Variants in PREX2 observed in about 807,000 individuals in gnomAD.
PREX2 encodes phosphatidylinositol 3,4,5-trisphosphate-dependent Rac exchanger 2 protein.
PREX2 carries 107 observed loss-of-function variants against 203.2 expected under a neutral mutation model. That is an observed-to-expected ratio of 0.53 (90% confidence interval 0.45 to 0.62). The LOEUF is 0.62. Ranked by LOEUF, PREX2 falls within the 20% of genes least tolerant of loss-of-function variation. The pLI is 0.00. For missense variants in PREX2, 1,777 were observed against 1,955.9 expected (o/e 0.91, Z 1.72); for synonymous variants, 672 against 663.6 (o/e 1.01, Z -0.19).
intron 37 of PREX2, among the ~76,000 whole-genome samples, chr8:68,204,229 C>A (rs2129614950): frequency 6.6e-6 from 1 of 152,156 alleles, no homozygotes; most frequent in South Asian, 2.1e-4. Flanking sequence ...CATTACCCAA[C>A]CCCAGAAGGT....
chr8:68,093,225 T>C (rs1245660046), intron 20 of PREX2, among the ~76,000 whole-genome samples: 1 of 151,764 alleles, frequency 6.6e-6, no homozygotes, highest in Non-Finnish European at 1.5e-5. Context: ...ACCCTGTCTT[T>C]ACTAAAAATA....
At chr8:68,183,706 G>A (rs956812218) in intron 35 of PREX2, among the ~76,000 whole-genome samples, 44 of 152,238 alleles carry the variant, frequency 2.9e-4, no homozygotes, top group African/African-American at 9.9e-4. Flanking sequence ...AACCTAGTCA[G>A]GTCACTAATG....
At chr8:67,964,796 C>CA (rs1241728875) in intron 1 of PREX2, among the ~76,000 whole-genome samples, 3 of 152,232 alleles carry the variant, frequency 2.0e-5, no homozygotes, top group African/African-American at 7.2e-5. Context: ...TTCATTAACT[C>CA]ACGACTTAGA....
intron 34 of PREX2, among the ~76,000 whole-genome samples, chr8:68,156,147 A>G (rs1811539820): frequency 6.6e-6 from 1 of 152,128 alleles, no homozygotes; most frequent in Non-Finnish European, 1.5e-5. Context: ...TGCAGCTTCA[A>G]AATCCTGGGC....
intron 10 of PREX2, among the ~76,000 whole-genome samples, chr8:68,058,062 C>A (rs13262967): frequency 6.6e-6 from 1 of 152,068 alleles, no homozygotes; most frequent in Non-Finnish European, 1.5e-5. Flanking sequence ...ACACTACTGC[C>A]GCTTACAGCG....
intron 17 of PREX2, among the ~76,000 whole-genome samples, chr8:68,081,982 A>T (rs936618841): frequency 6.6e-6 from 1 of 151,938 alleles, no homozygotes; most frequent in African/African-American, 2.4e-5. Context: ...CAGGCATGAG[A>T]CACTGCACCC....
chr8:68,057,111 G>T (rs986711494), intron 10 of PREX2, among the ~76,000 whole-genome samples: 1 of 152,150 alleles, frequency 6.6e-6, no homozygotes, highest in Non-Finnish European at 1.5e-5. Flanking sequence ...ATGGGATCAT[G>T]GGGGTGGCTT....
At chr8:68,074,039 T>C (rs1809275427) in intron 14 of PREX2, among the ~76,000 whole-genome samples, 2 of 151,992 alleles carry the variant, frequency 1.3e-5, no homozygotes, top group South Asian at 4.1e-4. Flanking sequence ...CAATCTCGGC[T>C]CACTGCAACT....
In PREX2 at chr8:68,019,576, C is replaced by T; in HGVS notation, c.241C>T (p.Leu81Phe). 6.2e-7 allele frequency: 1 copy of T among 1,612,348 alleles called. No individual in the cohort carries two copies. The highest frequency in any genetic ancestry group is 8.5e-7 in the Non-Finnish European group (1 of 1,178,888). ...KMLFSNIEDI[L>F]AVHKEFLKVV... ...GTTGTTCTCAAACATTGAAGACATC[C>T]TTGCAGTACATAAAGAATTCTTAAA... Residue 81 changes from leucine (L) to phenylalanine (F), a missense_variant, in exon 3 of 40, where the codon CTT becomes TTT. Physicochemically the swap from Leu to Phe is conservative, Grantham distance 22. Transcript: ENST00000288368.
chr8:67,962,356 C>T (rs914060907), intron 1 of PREX2, among the ~76,000 whole-genome samples: 2 of 152,058 alleles, frequency 1.3e-5, no homozygotes, highest in African/African-American at 2.4e-5. Flanking sequence ...CCAGAAATAA[C>T]ATCTCTCATT....
At chr8:68,108,016 C>A in intron 23 of PREX2, 93 bp from the exon 24 acceptor site, 1 of 733,424 alleles carries the variant, frequency 1.4e-6, no homozygotes, top group Non-Finnish European at 2.2e-6. Flanking sequence ...TTTAATTTGC[C>A]TTTGATTTTG....
At chr8:68,018,796 T>C (rs796382805) in intron 2 of PREX2, among the ~76,000 whole-genome samples, 45 of 152,340 alleles carry the variant, frequency 3.0e-4, no homozygotes, top group African/African-American at 1.1e-3. Flanking sequence ...TATGTACTAT[T>C]CCTGATATTT....
chr8:68,107,720 A>AT (rs1421139381), intron 23 of PREX2, among the ~76,000 whole-genome samples: 2 of 152,022 alleles, frequency 1.3e-5, no homozygotes, highest in African/African-American at 4.8e-5. Flanking sequence ...CTGTTTTGCC[A>AT]TTTTGCCTTG....
At chr8:68,115,021 C>CTTTTTTTTTT (rs5892137) in intron 25 of PREX2, among the ~76,000 whole-genome samples, 24 of 86,862 alleles carry the variant, frequency 2.8e-4, no homozygotes, top group East Asian at 1.1e-3. Context: ...TCTTTTCTTT[C>CTTTTTTTTTT]TTTTTTTTTT....
intron 35 of PREX2, among the ~76,000 whole-genome samples, chr8:68,179,129 C>T (rs1222578980): frequency 2.0e-5 from 3 of 151,970 alleles, no homozygotes; most frequent in African/African-American, 7.3e-5. Flanking sequence ...TCTAGTCTCT[C>T]CTCTGGTGAA....
chr8:68,066,010 C>T (rs537519863), intron 11 of PREX2, among the ~76,000 whole-genome samples: 42 of 152,228 alleles, frequency 2.8e-4, no homozygotes, highest in Non-Finnish European at 5.9e-4. Context: ...GTGTATTAAT[C>T]GCTTCACATA....
intron 1 of PREX2, among the ~76,000 whole-genome samples, chr8:67,997,569 T>TC (rs571904440): frequency 2.4e-4 from 37 of 152,290 alleles, no homozygotes; most frequent in Non-Finnish European, 4.6e-4. Context: ...TTCCTTTTTT[T>TC]CCCCCAAGAT....
chr8:68,124,689 A>G (rs1397870580), intron 30 of PREX2, among the ~76,000 whole-genome samples: 1 of 152,162 alleles, frequency 6.6e-6, no homozygotes, highest in East Asian at 1.9e-4. Context: ...TAATTTTTCA[A>G]AAAGTACTCA....
intron 1 of PREX2, among the ~76,000 whole-genome samples, chr8:67,960,311 C>T (rs950958943): frequency 6.6e-6 from 1 of 152,026 alleles, no homozygotes; most frequent in African/African-American, 2.4e-5. Context: ...CAAAGTGCTA[C>T]GATTACAGGC....
Sources: allele counts gnomAD v4.1 joint callset (sites outside exome capture counted in the v4.1 genomes callset), GRCh38; gene constraint gnomAD v4.1.1; transcripts MANE v1.5; gene names NCBI Gene and HGNC (gene_info 2026-07-23, HGNC 2026-07-21).